TBCE: variants seen among roughly 807,000 people sequenced by gnomAD.
TBCE encodes the protein tubulin-specific chaperone E.
TBCE carries 53 observed loss-of-function variants against 77.0 expected under a neutral mutation model. That is an observed-to-expected ratio of 0.69 (90% confidence interval 0.55 to 0.87). TBCE has a LOEUF of 0.87. Among genes scored for constraint, TBCE ranks in the 40% least tolerant of loss-of-function variants. The pLI is 0.00. For synonymous variants in TBCE, 235 were observed against 241.3 expected (o/e 0.97, Z 0.24); for missense variants, 624 against 622.4 (o/e 1.00, Z -0.03).
intron 7 of TBCE, chr1:235,433,215 C>A: frequency 7.9e-7 from 1 of 1,261,906 alleles, no homozygotes. Context: ...TGGCCAAGGG[C>A]GTCATCTCAA....
chr1:235,413,171 C>T (rs1267140984), intron 3 of TBCE, among the ~76,000 whole-genome samples: 3 of 152,198 alleles, frequency 2.0e-5, no homozygotes, highest in East Asian at 1.9e-4. Context: ...GCCTGGGCAA[C>T]GTAGTGAGAT....
intron 15 of TBCE, among the ~76,000 whole-genome samples, chr1:235,443,553 T>C (rs1327146633): frequency 6.6e-6 from 1 of 152,140 alleles, no homozygotes; most frequent in Admixed American, 6.6e-5. Flanking sequence ...TGGCATAGCC[T>C]TTTGGAAGCA....
intron 15 of TBCE, among the ~76,000 whole-genome samples, chr1:235,447,385 A>C (rs1295100212): frequency 6.6e-6 from 1 of 152,186 alleles, no homozygotes; most frequent in Non-Finnish European, 1.5e-5. Flanking sequence ...TATTTCTTAT[A>C]ATCAAAATAT....
chr1:235,450,398 GA>G lies in TBCE; in HGVS notation c.*1639del. 1 of 1,568,970 alleles carries G rather than the reference GA, an allele frequency of 6.4e-7. No individual in the cohort carries two copies. Among genetic ancestry groups the G allele is most frequent in the Non-Finnish European group, 8.8e-7 (1 of 1,142,036 alleles). On this transcript the variant is annotated 3_prime_UTR_variant, in exon 17 of 17. Transcript: ENST00000642610. ...TGGTGAAACTGTTTTAAGAGCATCA[GA>G]AAGTATGCACGTAGACAGCTTTTAT...
At chr1:235,391,433 C>A (rs55851445) in intron 2 of TBCE, among the ~76,000 whole-genome samples, 1 of 147,372 alleles carries the variant, frequency 6.8e-6, no homozygotes. Context: ...TGCAGTGAGC[C>A]GAGATTGCAC....
At position 235,422,112 on chromosome 1, in the gene TBCE, A is replaced by T. The variant is rs974517067; in HGVS notation, c.460+2551A>T. ...TTTTCAAAAGTAGGCAGCTGGAGTG[A>T]GGGGAATTGAAGTGGATGCAGAAAA... On this transcript the variant is annotated intron_variant, in intron 5 of 16. Coordinates refer to ENST00000642610, the MANE Select transcript of TBCE (RefSeq NM_003193.5). Among the ~76,000 whole-genome samples, 12 of 152,322 alleles carry T rather than the reference A, an allele frequency of 7.9e-5. No homozygotes were observed. The South Asian group carries it at 1.7e-3, about 21-fold the overall frequency.
At chr1:235,378,498 A>G (rs369170654) in intron 1 of TBCE, among the ~76,000 whole-genome samples, 1 of 152,178 alleles carries the variant, frequency 6.6e-6, no homozygotes, top group East Asian at 1.9e-4. Context: ...CGCTGAGATT[A>G]CAGGCATGAG....
chr1:235,448,332 TTCTTG>T lies in TBCE; in HGVS notation c.1400-12_1400-8del. ...GTCATTTGAGAGAACGAATGGACTT[TTCTTG>T]TCTTTTGATAGGCTCCATGACAATT... On this transcript the variant is annotated splice_polypyrimidine_tract_variant and intron_variant, in intron 15 of 16. Transcript: ENST00000642610. 6.2e-7 allele frequency: 1 copy of T among 1,612,642 alleles called. No individual in the cohort carries two copies. The highest frequency in any genetic ancestry group is 8.5e-7 in the Non-Finnish European group (1 of 1,178,672).
chr1:235,423,062 G>A (rs756275719), intron 5 of TBCE, among the ~76,000 whole-genome samples: 8 of 152,182 alleles, frequency 5.3e-5, no homozygotes, highest in East Asian at 1.9e-4. Context: ...TTGAATTCTC[G>A]CCAGAAGTTG....
At chr1:235,420,057 C>T (rs985127080) in intron 5 of TBCE, among the ~76,000 whole-genome samples, 2 of 151,936 alleles carry the variant, frequency 1.3e-5, no homozygotes, top group African/African-American at 2.4e-5. Context: ...TGCACTCAGC[C>T]TGGAGACAGA....
chr1:235,436,516 C>T (rs2102924176), intron 10 of TBCE, 28 bp from the exon 11 acceptor site: 1 of 1,612,552 alleles, frequency 6.2e-7, no homozygotes, highest in Non-Finnish European at 8.5e-7. Flanking sequence ...TTCACTTCTA[C>T]TGTGTAACTT....
At chr1:235,433,939 T>C in intron 7 of TBCE, 1 of 535,172 alleles carries the variant, frequency 1.9e-6, no homozygotes, top group South Asian at 2.2e-5. Flanking sequence ...GTAGCTGCTT[T>C]ACCTAAACCA....
In TBCE at chr1:235,450,362, C is replaced by T. The variant is rs374120625; in HGVS notation, c.*1600C>T. 3.7e-6 allele frequency: 6 copies of T among 1,612,140 alleles called. No homozygotes were observed. In the African/African-American group the frequency reaches 4.0e-5, roughly 11 times the overall value. On this transcript the variant is annotated 3_prime_UTR_variant, in exon 17 of 17. Transcript: ENST00000642610. ...TGTCCTGTTGAGAAACAACCAAAGC[C>T]GATCTGAGAGTGGTGAAACTGTTTT... is the stretch of plus-strand genomic sequence containing the variant.
chr1:235,393,861 G>A (rs1408131975), intron 2 of TBCE, among the ~76,000 whole-genome samples: 7 of 152,156 alleles, frequency 4.6e-5, no homozygotes, highest in Non-Finnish European at 1.5e-5. Flanking sequence ...AAACAGCTAA[G>A]CTTACTGACT....
intron 1 of TBCE, among the ~76,000 whole-genome samples, chr1:235,376,951 G>A (rs1165302514): frequency 2.0e-5 from 3 of 151,930 alleles, no homozygotes; most frequent in African/African-American, 7.3e-5. Context: ...GCGACAGAGT[G>A]AGACTCCGTC....
rs973535871 is a variant in TBCE, at chr1:235,448,831, C to G, written c.*69C>G. 2.6e-6 allele frequency: 3 copies of G among 1,133,824 alleles called. No homozygotes were observed. The highest frequency in any genetic ancestry group is 4.0e-6 in the Non-Finnish European group (3 of 752,894). 70.2% of individuals were successfully genotyped at this position (1,133,824 alleles called of 1,614,324 possible). A position where few individuals can be genotyped will look rare whatever the true frequency, so the allele number is the denominator to read the frequency against. ...TGGGGTTCACCGGAAATAAATGATT[C>G]ACTGGAACAATTCTACTGTCAAAAC... On this transcript the variant is annotated 3_prime_UTR_variant, in exon 17 of 17. Coordinates refer to ENST00000642610, the MANE Select transcript of TBCE (RefSeq NM_003193.5).
intron 5 of TBCE, among the ~76,000 whole-genome samples, chr1:235,420,657 AT>A (rs1486118590): frequency 6.6e-6 from 1 of 151,864 alleles, no homozygotes; most frequent in Non-Finnish European, 1.5e-5. Flanking sequence ...TAATTTTTGT[AT>A]TTTTGGTAGA....
chr1:235,371,938 T>G (rs1427066185), intron 1 of TBCE, among the ~76,000 whole-genome samples: 1 of 152,078 alleles, frequency 6.6e-6, no homozygotes, highest in African/African-American at 2.4e-5. Context: ...CCTCCCGAAG[T>G]GCTGGGATTA....
chr1:235,397,723 A>G (rs1678828366), intron 2 of TBCE, among the ~76,000 whole-genome samples: 1 of 152,156 alleles, frequency 6.6e-6, no homozygotes, highest in Non-Finnish European at 1.5e-5. Context: ...CCTGTGTGCT[A>G]GTGTCTGGTT....
Sources: gnomAD v4.1 joint callset for allele counts (sites outside exome capture counted in the v4.1 genomes callset) on GRCh38, gnomAD v4.1.1 for gene constraint, MANE v1.5 for transcripts, NCBI Gene and HGNC (gene_info 2026-07-23, HGNC 2026-07-21) for gene names.